GRIN2B: variants seen among roughly 807,000 people sequenced by gnomAD.
The protein encoded by GRIN2B is glutamate ionotropic receptor NMDA type subunit 2B.
A neutral mutation model predicts 114.5 loss-of-function variants in GRIN2B; 5 were observed. The ratio of observed to expected loss-of-function variants is 0.04; its 90% CI spans 0.02 to 0.09. The LOEUF is 0.09. Among genes scored for constraint, GRIN2B ranks in the 10% least tolerant of loss-of-function variants. The probability of loss-of-function intolerance (pLI) is 1.00; values close to 1 mark genes in which losing one functional copy is unlikely to be tolerated. For missense variants in GRIN2B, 1,108 were observed against 1,943.5 expected, an observed-to-expected ratio of 0.57 and a Z score of 8.08; for synonymous variants, 787 against 745.1, an observed-to-expected ratio of 1.06 and a Z score of -0.92.
intron 4 of GRIN2B, among the ~76,000 whole-genome samples, chr12:13,736,747 G>A (rs1020155848): frequency 2.6e-5 from 4 of 152,102 alleles, no homozygotes; most frequent in South Asian, 2.1e-4. Context: ...ATATATGGCC[G>A]GGCCAATCAT....
intron 3 of GRIN2B, among the ~76,000 whole-genome samples, chr12:13,797,311 T>G (rs1303952): frequency 0.97 from 148,290 of 152,120 alleles, 72,387 homozygotes; most frequent in Middle Eastern, 1. Flanking sequence ...ACCTCCCAAA[T>G]TCCCCACCCC....
At chr12:13,943,498 T>C (rs1867301481) in intron 2 of GRIN2B, among the ~76,000 whole-genome samples, 1 of 152,178 alleles carries the variant, frequency 6.6e-6, no homozygotes, top group Non-Finnish European at 1.5e-5. Flanking sequence ...TGCCATGGCC[T>C]TCAAAGCCCT....
At chr12:13,663,809 AT>A (rs1251713738) in intron 5 of GRIN2B, among the ~76,000 whole-genome samples, 1 of 152,116 alleles carries the variant, frequency 6.6e-6, no homozygotes, top group Admixed American at 6.6e-5. Flanking sequence ...CAATTTTTCC[AT>A]TTTCCTGTTT....
At chr12:13,965,282 G>GATATTTGA (rs1867771043) in intron 2 of GRIN2B, among the ~76,000 whole-genome samples, 1 of 152,142 alleles carries the variant, frequency 6.6e-6, no homozygotes, top group East Asian at 1.9e-4. Flanking sequence ...TTGCAACCTA[G>GATATTTGA]TATTTATGCT....
chr12:13,907,661 T>C (rs189998459), intron 2 of GRIN2B, among the ~76,000 whole-genome samples: 96 of 152,254 alleles, frequency 6.3e-4, no homozygotes, highest in Middle Eastern at 3.4e-3. Context: ...AAGAAACTGA[T>C]TTGTTGGAAA....
rs113765514 is a variant in GRIN2B at position 13,938,850 on chromosome 12, T to C, written c.-19+41078A>G. Among the ~76,000 whole-genome samples the C allele has an allele frequency of 6.9e-3, 1,057 of 152,326 alleles. 16 individuals carry two copies. Among genetic ancestry groups the C allele is most frequent in the African/African-American group, 0.024 (1,018 of 41,572 alleles). On this transcript the variant is annotated intron_variant, in intron 2 of 13. Transcript: ENST00000609686. ...TTATGTTTGTCAAAAGTCATGGACC[T>C]GTACACTTAAAATACGTAAATTTTT...
chr12:13,884,933 G>T (rs1866130762), intron 2 of GRIN2B, among the ~76,000 whole-genome samples: 1 of 152,154 alleles, frequency 6.6e-6, no homozygotes, highest in South Asian at 2.1e-4. Flanking sequence ...AGGGAGTTGT[G>T]CACTTAAATT....
chr12:13,767,716 A>G (rs900456836), intron 3 of GRIN2B, among the ~76,000 whole-genome samples: 1 of 152,220 alleles, frequency 6.6e-6, no homozygotes, highest in Non-Finnish European at 1.5e-5. Flanking sequence ...TTTGCAAGTT[A>G]GTTTCACACA....
intron 3 of GRIN2B, among the ~76,000 whole-genome samples, chr12:13,865,181 T>C (rs1865807917): frequency 6.6e-6 from 1 of 152,198 alleles, no homozygotes; most frequent in Non-Finnish European, 1.5e-5. Flanking sequence ...AGAGTATGCC[T>C]TTCATATACC....
Position 13,563,368 on chromosome 12 carries a change from G to C in GRIN2B, c.3870C>G (p.Ala1290=), listed in dbSNP as rs964835181. The C allele has an allele frequency of 6.2e-7, 1 of 1,614,182 alleles. No individual in the cohort carries two copies. Among genetic ancestry groups the C allele is most frequent in the Non-Finnish European group, 8.5e-7 (1 of 1,180,044 alleles). ...GCAGTTTGTTCCGGTTCTTCTTCTG[G>C]GCCTTGGAATTAGTCGGGCTCTGAG... ...KYPQSPTNSK[A]QKKNRNKLRR... The change falls in exon 14 of 14, where the codon GCC becomes GCG. Residue 1290 remains alanine, a synonymous_variant. Coordinates refer to ENST00000609686, the MANE Select transcript of GRIN2B (RefSeq NM_000834.5).
rs186652307 is a variant in GRIN2B at position 13,739,120 on chromosome 12, C to T, written c.1010+14197G>A. ...ATGTGGCTAGGTGTGGTGGCTCACG[C>T]CTGTAATCCCAGCACTTTGGGAGGC... is the stretch of plus-strand genomic sequence containing the variant. On this transcript the variant is annotated intron_variant, in intron 4 of 13. Transcript: ENST00000609686. Among the ~76,000 whole-genome samples the T allele has an allele frequency of 2.0e-5, 3 of 152,168 alleles. 1 individual carries two copies. Among genetic ancestry groups the T allele is most frequent in the Admixed American group, 2.0e-4 (3 of 15,290 alleles).
chr12:13,669,991 C>T (rs1234748439), intron 5 of GRIN2B, among the ~76,000 whole-genome samples: 1 of 152,100 alleles, frequency 6.6e-6, no homozygotes, highest in Non-Finnish European at 1.5e-5. Context: ...GCTGCAGATA[C>T]TGGCAGAGCA....
chr12:13,710,732 CA>C (rs1394759318), intron 4 of GRIN2B, among the ~76,000 whole-genome samples: 1 of 152,108 alleles, frequency 6.6e-6, no homozygotes, highest in Non-Finnish European at 1.5e-5. Flanking sequence ...AAAGAGGATA[CA>C]AACAAATGGA....
intron 5 of GRIN2B, among the ~76,000 whole-genome samples, chr12:13,664,629 A>T (rs1485453128): frequency 2.6e-5 from 4 of 152,196 alleles, no homozygotes; most frequent in Non-Finnish European, 5.9e-5. Context: ...AGCAATGATG[A>T]ATTTGAAGAT....
chr12:13,688,470 T>A (rs1285045766), intron 4 of GRIN2B, among the ~76,000 whole-genome samples: 1 of 152,040 alleles, frequency 6.6e-6, no homozygotes, highest in Non-Finnish European at 1.5e-5. Flanking sequence ...AGAACCCCAG[T>A]CTCTAAGGGC....
chr12:13,572,092 C>CA, intron 10 of GRIN2B, 128 bp from the exon 11 acceptor site: 1 of 754,776 alleles, frequency 1.3e-6, no homozygotes, highest in Non-Finnish European at 2.3e-6. Context: ...GGAAGGGACC[C>CA]AACTATAATT....
At chr12:13,597,114 C>A (rs1040157897) in intron 10 of GRIN2B, among the ~76,000 whole-genome samples, 2 of 152,154 alleles carry the variant, frequency 1.3e-5, no homozygotes, top group African/African-American at 4.8e-5. Context: ...TTAGATGACT[C>A]TCCTCATCTG....
chr12:13,573,344 C>T (rs755900135), intron 10 of GRIN2B, among the ~76,000 whole-genome samples: 14 of 148,552 alleles, frequency 9.4e-5, no homozygotes, highest in African/African-American at 2.3e-4. Context: ...CCAGCTACTC[C>T]GGAGGCTGAG....
rs180705403 is a variant in GRIN2B, at chr12:13,545,313, A to G, written c.*17470T>C. The G allele has an allele frequency of 2.0e-4, 30 of 152,264 alleles. No individual in the cohort carries two copies. Among genetic ancestry groups the G allele is most frequent in the Admixed American group, 1.9e-3 (29 of 15,284 alleles). 9.4% of individuals were successfully genotyped at this position (152,264 alleles called of 1,614,324 possible). Reference sequence around the variant, plus strand: ...ATTTTTCTGCATGACACTTTGCACTATCTGACATGAGATCTATTGATTTGC... The same window carrying G: ...ATTTTTCTGCATGACACTTTGCACTGTCTGACATGAGATCTATTGATTTGC... On this transcript the variant is annotated 3_prime_UTR_variant, in exon 14 of 14. Coordinates refer to ENST00000609686, the MANE Select transcript of GRIN2B (RefSeq NM_000834.5).
Sources: allele counts gnomAD v4.1 joint callset (sites outside exome capture counted in the v4.1 genomes callset), GRCh38; gene constraint gnomAD v4.1.1; transcripts MANE v1.5; gene names NCBI Gene and HGNC (gene_info 2026-07-23, HGNC 2026-07-21).